The following ZNF354A variants were observed in gnomAD, a reference collection of about 807,000 sequenced individuals.
The protein encoded by ZNF354A is epididymis luminal protein 104.
ZNF354A carries 25 observed loss-of-function variants against 53.3 expected under a neutral mutation model. The observed-to-expected ratio is 0.47, with a 90% CI of 0.34 to 0.66. The LOEUF is 0.66. Among genes scored for constraint, ZNF354A ranks in the 30% least tolerant of loss-of-function variants. The pLI, the probability that ZNF354A is intolerant of heterozygous loss-of-function variation, is 0.01. For synonymous variants in ZNF354A, 228 were observed against 249.0 expected (o/e 0.92, Z 0.79); for missense variants, 586 against 716.8 (o/e 0.82, Z 2.08).
intron 1 of ZNF354A, among the ~76,000 whole-genome samples, chr5:178,730,331 G>C (rs907311361): frequency 4.6e-5 from 7 of 152,140 alleles, no homozygotes; most frequent in African/African-American, 1.7e-4. Flanking sequence ...GGGCCCGGGA[G>C]GAAACGCCAG....
At chr5:178,724,054 C>G (rs1319449663) in intron 4 of ZNF354A, among the ~76,000 whole-genome samples, 4 of 152,072 alleles carry the variant, frequency 2.6e-5, no homozygotes, top group Non-Finnish European at 5.9e-5. Context: ...GGTTCCCCAC[C>G]TGACGACTTC....
intron 4 of ZNF354A, among the ~76,000 whole-genome samples, chr5:178,722,536 C>T (rs1765830136): frequency 6.6e-6 from 1 of 152,268 alleles, no homozygotes; most frequent in East Asian, 1.9e-4. Context: ...TTCTTTGTTA[C>T]CCCATCTCCT....
intron 4 of ZNF354A, among the ~76,000 whole-genome samples, chr5:178,716,310 C>T (rs1351890778): frequency 1.1e-4 from 17 of 152,160 alleles, no homozygotes; most frequent in Admixed American, 1.1e-3. Flanking sequence ...CTTAGGCGTC[C>T]TTAACATGGT....
At chr5:178,726,964 T>G (rs571206583) in intron 3 of ZNF354A, 35 bp downstream of exon 3, 17 of 1,581,826 alleles carry the variant, frequency 1.1e-5, no homozygotes, top group Non-Finnish European at 1.4e-5. Context: ...TATCCCAATT[T>G]TTGAATTCTG....
At chr5:178,723,235 C>T (rs1765845531) in intron 4 of ZNF354A, among the ~76,000 whole-genome samples, 1 of 152,236 alleles carries the variant, frequency 6.6e-6, no homozygotes, top group South Asian at 2.1e-4. Flanking sequence ...GGGACCGAGG[C>T]TGCCTGCCCT....
Position 178,714,587 on chromosome 5 carries a change from C to T in ZNF354A, c.257-966G>A, listed in dbSNP as rs145049721. ...GTTCTTCACAAGCAGATCAGAATGC[C>T]CTATTTTCCTACAGATCCTCTTGAC... On this transcript the variant is annotated intron_variant, in intron 4 of 4. Transcript: ENST00000335815. Among the ~76,000 whole-genome samples, 835 of 152,178 alleles carry T rather than the reference C, an allele frequency of 5.5e-3. 9 individuals carry two copies. Among genetic ancestry groups the T allele is most frequent in the African/African-American group, 0.019 (788 of 41,504 alleles).
At chr5:178,719,282 G>C (rs1203722225) in intron 4 of ZNF354A, among the ~76,000 whole-genome samples, 1 of 152,206 alleles carries the variant, frequency 6.6e-6, no homozygotes, top group Non-Finnish European at 1.5e-5. Flanking sequence ...GATTTCTTCA[G>C]AGAGTTTATA....
rs142864899 is a variant in ZNF354A, at chr5:178,722,338, C to T, written c.256+3038G>A. On this transcript the variant is annotated intron_variant, in intron 4 of 4. Coordinates refer to ENST00000335815, the MANE Select transcript of ZNF354A (RefSeq NM_005649.3). ...CTCCGAAATCAACACTACTTGTCAT[C>T]GCCACTGGGATAACTAGGTCAACCA... is the stretch of plus-strand genomic sequence containing the variant. 2.0e-3 allele frequency among the ~76,000 whole-genome samples: 301 copies of T among 152,298 alleles called. 1 individual carries two copies. The highest frequency in any genetic ancestry group is 3.6e-3 in the Non-Finnish European group (245 of 68,022).
At chr5:178,720,189 A>G (rs1765786497) in intron 4 of ZNF354A, among the ~76,000 whole-genome samples, 1 of 152,256 alleles carries the variant, frequency 6.6e-6, no homozygotes, top group African/African-American at 2.4e-5. Flanking sequence ...ATGTAAAAGT[A>G]GTGTGAATTG....
chr5:178,713,422 G>A lies in ZNF354A; in HGVS notation c.456C>T (p.Ile152=). 7 of 1,613,184 alleles carry A rather than the reference G, an allele frequency of 4.3e-6. No homozygotes were observed. Among genetic ancestry groups the A allele is most frequent in the Non-Finnish European group, 4.2e-6 (5 of 1,179,854 alleles). The stretch of plus-strand genomic sequence containing the variant: ...TTTTATGGCTTCTTTCTATAGTGGG[G>A]ATTTTTTTGTGGGTGGCTGAAACTA... ...FQIVSATHKK[I]PTIERSHKNT... is the part of the protein sequence containing the mutation. Residue 152 remains isoleucine, a synonymous_variant, in exon 5 of 5, where the codon ATC becomes ATT. Transcript: ENST00000335815.
intron 1 of ZNF354A, among the ~76,000 whole-genome samples, chr5:178,729,958 G>T (rs1298794317): frequency 6.7e-6 from 1 of 150,336 alleles, no homozygotes; most frequent in Non-Finnish European, 1.5e-5. Flanking sequence ...CCGCCTCCTG[G>T]GTTCACGCCA....
rs151199369 is a variant in ZNF354A at position 178,718,174 on chromosome 5, G to C, written c.257-4553C>G. Among the ~76,000 whole-genome samples, 113 of 152,260 alleles carry C rather than the reference G, an allele frequency of 7.4e-4. 1 individual carries two copies. The Middle Eastern group carries it at 0.01, about 14-fold the overall frequency. ...AATCATGTTTTTCACAGAAGCAGAC[G>C]TAAGTTTTGGATTGTGGATATCCTG... On this transcript the variant is annotated intron_variant, in intron 4 of 4. Transcript: ENST00000335815.
intron 4 of ZNF354A, among the ~76,000 whole-genome samples, chr5:178,717,055 G>T (rs1181443721): frequency 7.4e-6 from 1 of 134,456 alleles, no homozygotes; most frequent in Non-Finnish European, 1.5e-5. Context: ...ACCAGCCTGG[G>T]CGACAGAGTG....
chr5:178,713,424 T>C lies in ZNF354A; in HGVS notation c.454A>G (p.Ile152Val), dbSNP rs769487776. The change falls in exon 5 of 5, where the codon ATC (isoleucine) becomes GTC (valine). Residue 152 changes from isoleucine (I) to valine (V), a missense_variant. Coordinates refer to ENST00000335815, the MANE Select transcript of ZNF354A (RefSeq NM_005649.3). ...FQIVSATHKKIPTIERSHKNT... is the reference protein window; with the variant it reads ...FQIVSATHKKVPTIERSHKNT... ...TTATGGCTTCTTTCTATAGTGGGGA[T>C]TTTTTTGTGGGTGGCTGAAACTATC... 5 of 1,613,234 alleles carry C rather than the reference T, an allele frequency of 3.1e-6. No individual in the cohort carries two copies. In the South Asian group the frequency reaches 5.5e-5, roughly 18 times the overall value.
chr5:178,714,217 C>G (rs969811534), intron 4 of ZNF354A, among the ~76,000 whole-genome samples: 17 of 152,044 alleles, frequency 1.1e-4, no homozygotes, highest in African/African-American at 4.1e-4. Context: ...GTTGGCCAGG[C>G]TGGCCTTGAA....
At chr5:178,719,204 A>G (rs942998300) in intron 4 of ZNF354A, among the ~76,000 whole-genome samples, 2 of 152,222 alleles carry the variant, frequency 1.3e-5, no homozygotes, top group African/African-American at 4.8e-5. Flanking sequence ...CCTACTATGT[A>G]TTAGGCTCTA....
At chr5:178,716,359 C>A (rs538596281) in intron 4 of ZNF354A, among the ~76,000 whole-genome samples, 12 of 152,272 alleles carry the variant, frequency 7.9e-5, no homozygotes, top group Middle Eastern at 3.4e-3. Context: ...ATCCACCTGT[C>A]CTCACCCCCT....
At chr5:178,714,081 A>G (rs2113868660) in intron 4 of ZNF354A, among the ~76,000 whole-genome samples, 1 of 151,410 alleles carries the variant, frequency 6.6e-6, no homozygotes, top group East Asian at 2.0e-4. Context: ...ATCTCGGCTC[A>G]CTGCAACCGG....
chr5:178,728,782 CAAAAAAA>C (rs1157233878), intron 2 of ZNF354A, among the ~76,000 whole-genome samples: 2 of 50,884 alleles, frequency 3.9e-5, no homozygotes, highest in African/African-American at 9.4e-5. Context: ...AAGCGAGATT[CAAAAAAA>C]AAAAAAAAAA....
Sources: allele counts gnomAD v4.1 joint callset (sites outside exome capture counted in the v4.1 genomes callset), GRCh38; gene constraint gnomAD v4.1.1; transcripts MANE v1.5; gene names NCBI Gene and HGNC (gene_info 2026-07-23, HGNC 2026-07-21).